The following R3HCC1L variants were observed in gnomAD, a reference collection of about 807,000 sequenced individuals.
R3HCC1L encodes the protein R3H domain and coiled-coil containing 1 like, also known as coiled-coil domain-containing protein R3HCC1L.
In R3HCC1L, 51 loss-of-function variants were observed where a neutral mutation model predicts 59.9. The observed-to-expected ratio is 0.85, with a 90% CI of 0.68 to 1.07. The LOEUF (loss-of-function observed/expected upper bound fraction) is 1.07. R3HCC1L is among the 50% of genes least tolerant of loss of function. The probability of loss-of-function intolerance (pLI) is 0.00; values close to 1 mark genes in which losing one functional copy is unlikely to be tolerated. For synonymous variants in R3HCC1L, 322 were observed against 315.2 expected, an observed-to-expected ratio of 1.02 and a Z score of -0.23; for missense variants, 965 against 933.0, an observed-to-expected ratio of 1.03 and a Z score of -0.45.
chr10:98,222,055 T>C (rs1225711551), intron 5 of R3HCC1L, among the ~76,000 whole-genome samples: 2 of 152,224 alleles, frequency 1.3e-5, no homozygotes, highest in African/African-American at 2.4e-5. Flanking sequence ...TTTATTTCCT[T>C]GAGCAGTGGT....
At chr10:98,155,546 C>A (rs1007321627) in intron 1 of R3HCC1L, among the ~76,000 whole-genome samples, 1 of 151,712 alleles carries the variant, frequency 6.6e-6, no homozygotes, top group African/African-American at 2.4e-5. Context: ...TGCTATTTGG[C>A]TTTTTAAAAA....
At chr10:98,164,215 C>T (rs911528848) in intron 4 of R3HCC1L, among the ~76,000 whole-genome samples, 21 of 152,006 alleles carry the variant, frequency 1.4e-4, no homozygotes, top group Admixed American at 5.9e-4. Flanking sequence ...GGTGATTTGC[C>T]GAATTTTCTC....
chr10:98,231,115 G>A (rs796080376), intron 5 of R3HCC1L: 16 of 361,286 alleles, frequency 4.4e-5, no homozygotes, highest in African/African-American at 3.4e-4. Flanking sequence ...AAGAAACTAT[G>A]AGCCTGGTCA....
chr10:98,211,864 CT>C (rs917618186), intron 5 of R3HCC1L, among the ~76,000 whole-genome samples: 1 of 152,056 alleles, frequency 6.6e-6, no homozygotes, highest in Admixed American at 6.6e-5. Context: ...TTTTTCAGGT[CT>C]TTCCAGTGTT....
intron 4 of R3HCC1L, among the ~76,000 whole-genome samples, chr10:98,178,257 G>A (rs544262182): frequency 2.6e-5 from 4 of 152,078 alleles, no homozygotes; most frequent in Non-Finnish European, 5.9e-5. Context: ...TGTAAGGAAG[G>A]GATCCAGTTT....
At position 98,201,537 on chromosome 10, in the gene R3HCC1L, G is replaced by A. The variant is rs557424362; in HGVS notation, c.-14-6564G>A. Among the ~76,000 whole-genome samples the A allele has an allele frequency of 3.9e-5, 6 of 152,210 alleles. No homozygotes were observed. The East Asian group carries it at 7.7e-4, about 20-fold the overall frequency. ...TTTTCCACAAAAATATTTTCCTTCCGTACCCTCCCATGTGCCTTGCCTCCT... is the reference window on the plus strand; with the variant it reads ...TTTTCCACAAAAATATTTTCCTTCCATACCCTCCCATGTGCCTTGCCTCCT... On this transcript the variant is annotated intron_variant, in intron 4 of 9. Transcript: ENST00000298999.
At position 98,234,529 on chromosome 10, in the gene R3HCC1L, T is replaced by C; in HGVS notation, c.2032+13T>C. On this transcript the variant is annotated intron_variant, in intron 7 of 9. Transcript: ENST00000298999. ...AGTCCAATTACAGGTATTCACCCAG[T>C]GGCTTTCAATCTTCCTTTCTTATTG... is the stretch of plus-strand genomic sequence containing the variant. The C allele has an allele frequency of 1.2e-6, 2 of 1,601,854 alleles. No homozygotes were observed. Among genetic ancestry groups the C allele is most frequent in the Non-Finnish European group, 8.5e-7 (1 of 1,170,966 alleles).
intron 4 of R3HCC1L, among the ~76,000 whole-genome samples, chr10:98,172,211 G>A (rs1372537480): frequency 2.6e-5 from 4 of 152,044 alleles, no homozygotes; most frequent in South Asian, 2.1e-4. Context: ...TCACAGATCC[G>A]CTCACTACTG....
chr10:98,208,847 AT>A lies in R3HCC1L; in HGVS notation c.735del (p.Ile245MetfsTer13), dbSNP rs1453777094. The stretch of plus-strand genomic sequence containing the variant: ...AATAAAACTAAGCTCTGATTCTGAA[AT>A]TGTACAACAAAGCATGCAAACATCA... ...VPIKLSSDSE[I>X]VQQSMQTSDG... is the part of the protein sequence containing the mutation. On this transcript the variant is annotated frameshift_variant, in exon 5 of 10. Coordinates refer to ENST00000298999, the MANE Select transcript of R3HCC1L (RefSeq NM_001351015.2). LOFTEE classifies it high-confidence loss of function. 6.2e-7 allele frequency: 1 copy of A among 1,614,140 alleles called. No individual in the cohort carries two copies. Among genetic ancestry groups the A allele is most frequent in the East Asian group, 2.2e-5 (1 of 44,860 alleles).
intron 1 of R3HCC1L, among the ~76,000 whole-genome samples, chr10:98,151,795 A>G (rs1218222245): frequency 2.6e-5 from 4 of 152,312 alleles, no homozygotes; most frequent in African/African-American, 7.2e-5. Flanking sequence ...AACAAGGCAC[A>G]TATGTTAGTG....
At chr10:98,207,930 G>A (rs1404748536) in intron 4 of R3HCC1L, among the ~76,000 whole-genome samples, 171 bp from the exon 5 acceptor site, 1 of 152,138 alleles carries the variant, frequency 6.6e-6, no homozygotes, top group Non-Finnish European at 1.5e-5. Context: ...AGGCAGAGGT[G>A]GAAGGATCGC....
chr10:98,219,911 G>A (rs996133021), intron 5 of R3HCC1L, among the ~76,000 whole-genome samples: 1 of 152,032 alleles, frequency 6.6e-6, no homozygotes. Context: ...CCTATATTTG[G>A]ATGTCTATAT....
chr10:98,147,005 A>G (rs1443446128), intron 1 of R3HCC1L, among the ~76,000 whole-genome samples: 1 of 152,128 alleles, frequency 6.6e-6, no homozygotes, highest in African/African-American at 2.4e-5. Context: ...TAGTGGCTCT[A>G]TTAATTTACA....
At chr10:98,176,516 C>T (rs550644841) in intron 4 of R3HCC1L, among the ~76,000 whole-genome samples, 25 of 152,112 alleles carry the variant, frequency 1.6e-4, no homozygotes, top group African/African-American at 4.6e-4. Flanking sequence ...TGATACTCTT[C>T]GATTTTCAGT....
At chr10:98,199,289 AAG>A (rs779369063) in intron 4 of R3HCC1L, among the ~76,000 whole-genome samples, 1 of 152,098 alleles carries the variant, frequency 6.6e-6, no homozygotes, top group Non-Finnish European at 1.5e-5. Context: ...AAGTATATTA[AAG>A]AGTTTCTTTT....
At position 98,208,584 on chromosome 10, in the gene R3HCC1L, GA is replaced by G; in HGVS notation, c.471del (p.His158MetfsTer11). Reference sequence around the variant, plus strand: ...GAAGTTGAAACTACGGATGTGACAGGACATGAGAGGATACTTCTTTCACAGG... The same window carrying G: ...GAAGTTGAAACTACGGATGTGACAGGCATGAGAGGATACTTCTTTCACAGG... The part of the protein sequence containing the change: ...CLEVETTDVT[G>X]HERILLSQAC... On this transcript the variant is annotated frameshift_variant, in exon 5 of 10. Coordinates refer to ENST00000298999, the MANE Select transcript of R3HCC1L (RefSeq NM_001351015.2). LOFTEE classifies it high-confidence loss of function. The G allele has an allele frequency of 5.6e-6, 9 of 1,614,074 alleles. No homozygotes were observed. Among genetic ancestry groups the G allele is most frequent in the Non-Finnish European group, 7.6e-6 (9 of 1,180,000 alleles).
At chr10:98,148,341 A>G (rs72826249) in intron 1 of R3HCC1L, among the ~76,000 whole-genome samples, 1,964 of 152,226 alleles carry the variant, frequency 0.013, 14 homozygotes, top group Middle Eastern at 0.037. Flanking sequence ...AAGAGGGACA[A>G]TTGGACTTCC....
Position 98,207,442 on chromosome 10 carries a change from C to G in R3HCC1L, c.-14-659C>G, listed in dbSNP as rs1564692574. The stretch of plus-strand genomic sequence containing the variant: ...ATCACAGTTTCCTTGGTCTTCTATC[C>G]TCCTTCATCCTAGCCAGATCTGTTT... On this transcript the variant is annotated intron_variant, in intron 4 of 9. Transcript: ENST00000298999. Among the ~76,000 whole-genome samples, 2 of 152,114 alleles carry G rather than the reference C, an allele frequency of 1.3e-5. 1 individual carries two copies. The highest frequency in any genetic ancestry group is 2.9e-5 in the Non-Finnish European group (2 of 68,020).
At chr10:98,225,886 G>A (rs1235235467) in intron 5 of R3HCC1L, among the ~76,000 whole-genome samples, 1 of 151,962 alleles carries the variant, frequency 6.6e-6, no homozygotes, top group East Asian at 1.9e-4. Flanking sequence ...GGTAACCCAG[G>A]TTGGAGTGTA....
Sources: gnomAD v4.1 joint callset for allele counts (sites outside exome capture counted in the v4.1 genomes callset) on GRCh38, gnomAD v4.1.1 for gene constraint, MANE v1.5 for transcripts, NCBI Gene and HGNC (gene_info 2026-07-23, HGNC 2026-07-21) for gene names.